The following GRIP1 variants were observed in gnomAD, a reference collection of about 807,000 sequenced individuals.
GRIP1 encodes glutamate receptor-interacting protein 1.
In GRIP1, 45 loss-of-function variants were observed where a neutral mutation model predicts 129.9. The observed-to-expected ratio is 0.35, with a 90% confidence interval of 0.27 to 0.44. The LOEUF (loss-of-function observed/expected upper bound fraction) is 0.44, where lower values mean the gene tolerates loss of function less well. Ranked by LOEUF, GRIP1 falls within the 20% of genes least tolerant of loss-of-function variation. GRIP1 has a pLI of 1.00. For synonymous variants in GRIP1, 530 were observed against 520.8 expected (o/e 1.02, Z -0.24); for missense variants, 1,196 against 1,396.8 (o/e 0.86, Z 2.29).
chr12:66,731,121 T>G (rs867492424), intron 1 of GRIP1, among the ~76,000 whole-genome samples: 1 of 152,174 alleles, frequency 6.6e-6, no homozygotes, highest in African/African-American at 2.4e-5. Flanking sequence ...TTAGATATTT[T>G]CTCTGCCTGT....
intron 1 of GRIP1, among the ~76,000 whole-genome samples, chr12:66,758,150 A>G (rs1000890304): frequency 2.6e-5 from 4 of 152,188 alleles, no homozygotes; most frequent in Admixed American, 2.6e-4. Context: ...TGATAAAGAC[A>G]TACCTGAAAC....
At chr12:66,496,365 T>C (rs2060239676) in intron 7 of GRIP1, among the ~76,000 whole-genome samples, 1 of 152,124 alleles carries the variant, frequency 6.6e-6, no homozygotes, top group Non-Finnish European at 1.5e-5. Flanking sequence ...TGAGCCAAGT[T>C]ACCACAGCGG....
At chr12:66,679,090 C>G, upstream of GRIP1, 1 of 1,495,656 alleles carries the variant, frequency 6.7e-7, no homozygotes, top group Non-Finnish European at 8.9e-7. Flanking sequence ...AAATCTGTGT[C>G]ATTCACTACT....
In GRIP1 at chr12:67,013,929, C is replaced by T. The variant is rs145030890; in HGVS notation, c.58+55121G>A. On this transcript the variant is annotated intron_variant, in intron 1 of 1. Coordinates refer to the GRIP1 transcript ENST00000643019. ...TTGGTTTAGGAGTTTGTCCAATCAG[C>T]GCAAGCTCAAGATTTCTACTAAGAA... Among the ~76,000 whole-genome samples the T allele has an allele frequency of 5.8e-4, 89 of 152,294 alleles. 1 individual carries two copies. In the East Asian group the frequency reaches 0.015, roughly 26 times the overall value.
intron 1 of GRIP1, among the ~76,000 whole-genome samples, chr12:66,636,234 T>C (rs1269443117): frequency 6.6e-6 from 1 of 152,026 alleles, no homozygotes; most frequent in Non-Finnish European, 1.5e-5. Flanking sequence ...AAGAGAATGG[T>C]GGTTACCAGG....
At chr12:66,872,277 C>T (rs2040308973) in intron 1 of GRIP1, among the ~76,000 whole-genome samples, 1 of 152,004 alleles carries the variant, frequency 6.6e-6, no homozygotes, top group Non-Finnish European at 1.5e-5. Flanking sequence ...AGGCATCCAA[C>T]AATCAGGGAC....
chr12:66,406,232 G>A, intron 16 of GRIP1, 51 bp downstream of exon 16: 1 of 1,560,264 alleles, frequency 6.4e-7, no homozygotes, highest in Non-Finnish European at 8.8e-7. Flanking sequence ...TATCTTTGGT[G>A]ACAGATGGGC....
At chr12:67,014,932 TCTA>T (rs1195619362) in intron 1 of GRIP1, among the ~76,000 whole-genome samples, 1 of 152,176 alleles carries the variant, frequency 6.6e-6, no homozygotes, top group East Asian at 1.9e-4. Context: ...AAATATTTAT[TCTA>T]GAAAGATTTC....
intron 7 of GRIP1, among the ~76,000 whole-genome samples, chr12:66,468,784 T>C (rs1178865885): frequency 4.6e-5 from 7 of 151,906 alleles, no homozygotes; most frequent in African/African-American, 1.7e-4. Context: ...ATTGTTCTGG[T>C]AGAAAGAAAT....
intron 1 of GRIP1, among the ~76,000 whole-genome samples, chr12:66,786,917 G>A (rs2038365206): frequency 6.6e-6 from 1 of 152,146 alleles, no homozygotes; most frequent in South Asian, 2.1e-4. Context: ...CTCTGAAAAA[G>A]AACCACAGCT....
Position 66,922,767 on chromosome 12 carries a change from G to T in GRIP1, c.58+146283C>A, listed in dbSNP as rs572832938. Among the ~76,000 whole-genome samples the T allele has an allele frequency of 2.0e-5, 3 of 152,258 alleles. No individual in the cohort carries two copies. In the East Asian group the frequency reaches 5.8e-4, roughly 29 times the overall value. On this transcript the variant is annotated intron_variant, in intron 1 of 1. Transcript: ENST00000643019. The stretch of plus-strand genomic sequence containing the variant: ...CTCCCTCTGGCTATCTGGAATGTGG[G>T]CATGATGGCCAGAACTCCAGCAATT...
chr12:66,777,483 A>G (rs1487272524), intron 1 of GRIP1, among the ~76,000 whole-genome samples: 3 of 152,100 alleles, frequency 2.0e-5, no homozygotes, highest in African/African-American at 7.2e-5. Flanking sequence ...TTTTCTTTTT[A>G]TTCACAGTAC....
rs145115262 is a variant in GRIP1, at chr12:66,379,295, C to T, written c.2606G>A (p.Arg869Gln). ...DVGLSYEDWD[R>Q]STASGFAGAA... ...AAAACCTTACCCACTGGCTGTGGAC[C>T]GGTCCCAGTCTTCATAACTCAGCCC... is the stretch of plus-strand genomic sequence containing the variant. The change falls in exon 20 of 25, where the codon CGG becomes CAG. Residue 869 changes from arginine (R) to glutamine (Q), a missense_variant. By Grantham distance (43) the Arg-to-Gln change is conservative. Around this residue, in one of 5 missense-constraint regions of GRIP1, gnomAD observed 427 missense variants for 463.3 expected, o/e 0.92. Transcript: ENST00000359742. 8.7e-3 allele frequency: 14,023 copies of T among 1,613,838 alleles called. 79 individuals carry two copies. Among genetic ancestry groups the T allele is most frequent in the Non-Finnish European group, 0.011 (12,670 of 1,179,804 alleles).
Position 66,657,534 on chromosome 12 carries a change from G to A in GRIP1, c.55+21316C>T, listed in dbSNP as rs11176361. 9.3e-3 allele frequency among the ~76,000 whole-genome samples: 1,411 copies of A among 152,280 alleles called. 18 individuals carry two copies. Among genetic ancestry groups the A allele is most frequent in the African/African-American group, 0.033 (1,352 of 41,556 alleles). ...ATCTTAGATAAAATAGATCTTTCAG[G>A]TCTGTTACATTAACAGAAGTTTATT... On this transcript the variant is annotated intron_variant, in intron 1 of 24. Transcript: ENST00000359742.
intron 1 of GRIP1, among the ~76,000 whole-genome samples, chr12:66,732,088 G>C (rs1256122011): frequency 6.6e-6 from 1 of 152,084 alleles, no homozygotes; most frequent in African/African-American, 2.4e-5. Flanking sequence ...TGAACTGTGT[G>C]GGTCCACTTA....
chr12:66,708,066 C>G (rs2035593585), intron 1 of GRIP1, among the ~76,000 whole-genome samples: 1 of 151,938 alleles, frequency 6.6e-6, no homozygotes, highest in South Asian at 2.1e-4. Flanking sequence ...TGTTAATAGT[C>G]TAAAAGGACA....
At chr12:66,859,828 T>G (rs1818263995) in intron 1 of GRIP1, among the ~76,000 whole-genome samples, 1 of 152,040 alleles carries the variant, frequency 6.6e-6, no homozygotes, top group African/African-American at 2.4e-5. Flanking sequence ...CAGTTGCACT[T>G]GGGGGAAAAT....
chr12:66,363,199 C>A (rs866175467), intron 23 of GRIP1, among the ~76,000 whole-genome samples: 873 of 35,150 alleles, frequency 0.025, 62 homozygotes, highest in East Asian at 0.14. Flanking sequence ...GTGTGTGTGT[C>A]CATATATATA....
chr12:66,576,705 CTCACTAGTAGT>C (rs2063149889), intron 2 of GRIP1, among the ~76,000 whole-genome samples: 1 of 152,196 alleles, frequency 6.6e-6, no homozygotes, highest in Admixed American at 6.5e-5. Context: ...ATAACAGATG[CTCACTAGTAGT>C]ACTCTTCCTC....
Sources: allele counts gnomAD v4.1 joint callset (sites outside exome capture counted in the v4.1 genomes callset), GRCh38; gene constraint gnomAD v4.1.1; regional missense constraint gnomAD v4.1.1; transcripts MANE v1.5; gene names NCBI Gene and HGNC (gene_info 2026-07-23, HGNC 2026-07-21).